Variants in SLC22A23 observed in about 807,000 individuals in gnomAD.
SLC22A23 encodes solute carrier family 22 member 23.
In SLC22A23, 26 loss-of-function variants were observed where a neutral mutation model predicts 61.0. The observed-to-expected ratio is 0.43, with a 90% CI of 0.31 to 0.59. The LOEUF (loss-of-function observed/expected upper bound fraction) is 0.59, where lower values mean the gene tolerates loss of function less well. Among genes scored for constraint, SLC22A23 ranks in the 20% least tolerant of loss-of-function variants. The pLI, the probability that SLC22A23 is intolerant of heterozygous loss-of-function variation, is 0.11. For missense variants in SLC22A23, 796 were observed against 934.7 expected (o/e 0.85, Z 1.94); for synonymous variants, 430 against 413.9 (o/e 1.04, Z -0.47).
chr6:3,356,438 C>T (rs761814497), intron 3 of SLC22A23, among the ~76,000 whole-genome samples: 5 of 152,002 alleles, frequency 3.3e-5, no homozygotes, highest in Non-Finnish European at 7.4e-5. Flanking sequence ...GGGGAAGCCT[C>T]AGAGGAGTGA....
chr6:3,409,253 T>C (rs943984113), intron 3 of SLC22A23, among the ~76,000 whole-genome samples: 6 of 152,226 alleles, frequency 3.9e-5, no homozygotes, highest in Admixed American at 3.9e-4. Flanking sequence ...TAGAAGAATA[T>C]ACCGGTAGCC....
At chr6:3,301,241 C>T (rs1358344540) in intron 4 of SLC22A23, among the ~76,000 whole-genome samples, 1 of 151,958 alleles carries the variant, frequency 6.6e-6, no homozygotes, top group Non-Finnish European at 1.5e-5. Context: ...GGTTTAGTAT[C>T]TTTTTCTAAT....
intron 3 of SLC22A23, among the ~76,000 whole-genome samples, chr6:3,406,684 T>C (rs1406949788): frequency 6.6e-6 from 1 of 152,174 alleles, no homozygotes; most frequent in East Asian, 1.9e-4. Flanking sequence ...GCTTGGCTTG[T>C]TCTCTCTTGC....
At chr6:3,316,489 C>T (rs974488788) in intron 4 of SLC22A23, among the ~76,000 whole-genome samples, 3 of 152,214 alleles carry the variant, frequency 2.0e-5, no homozygotes, top group African/African-American at 4.8e-5. Flanking sequence ...TTTGCCCCAC[C>T]GTTCCATGAG....
chr6:3,313,174 T>G (rs1561890428), intron 4 of SLC22A23: 1 of 152,102 alleles, frequency 6.6e-6, no homozygotes, highest in Non-Finnish European at 1.5e-5. Context: ...TCCCTAAACT[T>G]CCATGCCATC....
intron 9 of SLC22A23, chr6:3,276,823 A>G (rs759583097): frequency 6.6e-6 from 1 of 152,240 alleles, no homozygotes; most frequent in Non-Finnish European, 1.5e-5. Flanking sequence ...ACCCACATAA[A>G]AAGAGCCAGC....
intron 1 of SLC22A23, among the ~76,000 whole-genome samples, chr6:3,437,295 T>A (rs141294321): frequency 6.6e-6 from 1 of 152,114 alleles, no homozygotes; most frequent in African/African-American, 2.4e-5. Flanking sequence ...CACATCAAAA[T>A]TCCCTCATAG....
At chr6:3,302,633 C>T (rs1255381908) in intron 4 of SLC22A23, among the ~76,000 whole-genome samples, 1 of 152,078 alleles carries the variant, frequency 6.6e-6, no homozygotes, top group East Asian at 1.9e-4. Context: ...TATTGTGTTT[C>T]TATTTTCATT....
chr6:3,300,901 G>A (rs748142271), intron 4 of SLC22A23, among the ~76,000 whole-genome samples: 3 of 152,188 alleles, frequency 2.0e-5, no homozygotes, highest in Non-Finnish European at 4.4e-5. Context: ...TGCTGAGCAG[G>A]TGTGTGGAAT....
At chr6:3,282,614 T>C (rs558319243) in intron 9 of SLC22A23, among the ~76,000 whole-genome samples, 3 of 152,380 alleles carry the variant, frequency 2.0e-5, no homozygotes, top group Non-Finnish European at 2.9e-5. Context: ...GGTGTCATTA[T>C]GCGGACACCT....
chr6:3,357,566 T>A (rs554586134), intron 3 of SLC22A23, among the ~76,000 whole-genome samples: 1 of 152,200 alleles, frequency 6.6e-6, no homozygotes, highest in Admixed American at 6.5e-5. Flanking sequence ...ATAAAAAAAT[T>A]TAGAATTTCC....
In SLC22A23 at chr6:3,386,808, C is replaced by G. The variant is rs982102544; in HGVS notation, c.913+23380G>C. Among the ~76,000 whole-genome samples the G allele has an allele frequency of 9.2e-5, 14 of 152,240 alleles. No homozygotes were observed. The East Asian group carries it at 1.7e-3, about 19-fold the overall frequency. ...TCTGGAAAGTCTGCATACTCTGATGCTGACACACGGACCTGGCAGCAACAT... is the reference window on the plus strand; with the variant it reads ...TCTGGAAAGTCTGCATACTCTGATGGTGACACACGGACCTGGCAGCAACAT... On this transcript the variant is annotated intron_variant, in intron 3 of 9. Coordinates refer to ENST00000406686, the MANE Select transcript of SLC22A23 (RefSeq NM_015482.2). This position sits in a 1 kb window ranked among gnomAD's most constrained non-coding sequence, Gnocchi z 4.4.
chr6:3,303,309 A>C (rs542831430), intron 4 of SLC22A23: 1 of 152,350 alleles, frequency 6.6e-6, no homozygotes, highest in African/African-American at 2.4e-5. Flanking sequence ...TTCCTCAAAA[A>C]ACTACAAACA....
intron 3 of SLC22A23, among the ~76,000 whole-genome samples, chr6:3,364,460 A>C (rs1211210085): frequency 6.6e-6 from 1 of 152,166 alleles, no homozygotes; most frequent in Non-Finnish European, 1.5e-5. Context: ...CTTAAAAAAA[A>C]ATTCATTCCC....
At chr6:3,394,151 A>G (rs75180028) in intron 3 of SLC22A23, among the ~76,000 whole-genome samples, 1,665 of 152,282 alleles carry the variant, frequency 0.011, 26 homozygotes, top group African/African-American at 0.038. Flanking sequence ...TAGAGTAACA[A>G]TTACAAAGGA....
At chr6:3,312,783 CT>C (rs1762434637) in intron 4 of SLC22A23, 2 of 152,440 alleles carry the variant, frequency 1.3e-5, no homozygotes, top group African/African-American at 4.8e-5. Flanking sequence ...CACTTGGTCT[CT>C]GTCGGTTGCC....
At chr6:3,298,642 T>C (rs1761324410) in intron 4 of SLC22A23, among the ~76,000 whole-genome samples, 2 of 152,292 alleles carry the variant, frequency 1.3e-5, no homozygotes, top group East Asian at 1.9e-4. Context: ...CCATAGCTAC[T>C]AATAATATAC....
At chr6:3,298,036 C>T in intron 5 of SLC22A23, 55 bp downstream of exon 5, 2 of 1,442,494 alleles carry the variant, frequency 1.4e-6, no homozygotes, top group Non-Finnish European at 1.8e-6. Context: ...GCCCAGGTGT[C>T]AGGGACCTGC....
intron 3 of SLC22A23, among the ~76,000 whole-genome samples, chr6:3,351,742 T>G (rs1581733116): frequency 1.3e-5 from 2 of 152,322 alleles, no homozygotes; most frequent in South Asian, 4.1e-4. Context: ...TGGAGCCATA[T>G]TTCTGCTATT....
Sources: allele counts gnomAD v4.1 joint callset (sites outside exome capture counted in the v4.1 genomes callset), GRCh38; gene constraint gnomAD v4.1.1; non-coding constraint Gnocchi (gnomAD v3.1); transcripts MANE v1.5; gene names NCBI Gene and HGNC (gene_info 2026-07-23, HGNC 2026-07-21).